Variants in NRXN1 observed in about 807,000 individuals in gnomAD.
The protein encoded by NRXN1 is neurexin-1.
NRXN1 carries 39 observed loss-of-function variants against 150.9 expected under a neutral mutation model. The ratio of observed to expected loss-of-function variants is 0.26; its 90% CI spans 0.20 to 0.34. The LOEUF is 0.34. Among genes scored for constraint, NRXN1 ranks in the 10% least tolerant of loss-of-function variants. The pLI is 1.00. For missense variants in NRXN1, 1,815 were observed against 1,949.9 expected (o/e 0.93, Z 1.30); for synonymous variants, 924 against 757.0 (o/e 1.22, Z -3.62).
chr2:49,985,995 T>C (rs1168738749), intron 21 of NRXN1, among the ~76,000 whole-genome samples: 2 of 152,216 alleles, frequency 1.3e-5, no homozygotes, highest in African/African-American at 4.8e-5. Flanking sequence ...AAGTCCATCC[T>C]TTCTGTGAAG....
At chr2:50,479,688 T>C (rs1271016027) in intron 15 of NRXN1, among the ~76,000 whole-genome samples, 1 of 151,702 alleles carries the variant, frequency 6.6e-6, no homozygotes, top group African/African-American at 2.4e-5. Flanking sequence ...CTCATATTTG[T>C]CCCTGGCTCT....
chr2:50,590,810 G>A lies in NRXN1; in HGVS notation c.1320+29212C>T, dbSNP rs764045835. Among the ~76,000 whole-genome samples the A allele has an allele frequency of 4.6e-5, 7 of 152,124 alleles. No homozygotes were observed. The South Asian group carries it at 1.5e-3, about 32-fold the overall frequency. Reference sequence around the variant, plus strand: ...CTTGGAGTTCCCAGACTCTAGAACTGTGAGAAACCAATATTTGTTGTTTGA... The same window carrying A: ...CTTGGAGTTCCCAGACTCTAGAACTATGAGAAACCAATATTTGTTGTTTGA... On this transcript the variant is annotated intron_variant, in intron 8 of 22. Transcript: ENST00000401669.
chr2:50,446,861 G>C lies in NRXN1; in HGVS notation c.3364+18581C>G, dbSNP rs374648100. ...TGATTTAAACCTGCCAACAAATTTA[G>C]ATGTTAAGTACTTATTCAATGGCCA... On this transcript the variant is annotated intron_variant, in intron 17 of 22. Transcript: ENST00000401669. Among the ~76,000 whole-genome samples, 15 of 152,110 alleles carry C rather than the reference G, an allele frequency of 9.9e-5. No homozygotes were observed. In the East Asian group the frequency reaches 1.4e-3, roughly 14 times the overall value.
chr2:50,623,097 C>T (rs893067172), intron 6 of NRXN1, among the ~76,000 whole-genome samples: 9 of 152,094 alleles, frequency 5.9e-5, no homozygotes, highest in African/African-American at 2.2e-4. Context: ...TGGAAATTTT[C>T]ATATGGCCCT....
At chr2:50,780,103 T>C (rs1414503632) in intron 5 of NRXN1, among the ~76,000 whole-genome samples, 3 of 152,236 alleles carry the variant, frequency 2.0e-5, no homozygotes, top group African/African-American at 4.8e-5. Flanking sequence ...TTGATTTGTA[T>C]TTCTCTAATG....
chr2:50,625,673 G>T (rs1322132071), intron 5 of NRXN1, among the ~76,000 whole-genome samples: 1 of 151,942 alleles, frequency 6.6e-6, no homozygotes. Flanking sequence ...GGAAAATGTG[G>T]GTCAAAATAT....
intron 22 of NRXN1, among the ~76,000 whole-genome samples, chr2:49,932,260 A>G (rs1484006760): frequency 6.6e-6 from 1 of 152,042 alleles, no homozygotes; most frequent in African/African-American, 2.4e-5. Flanking sequence ...CTCTACAGAA[A>G]ATGTAAAAAA....
intron 5 of NRXN1, among the ~76,000 whole-genome samples, chr2:50,781,924 A>C (rs549385842): frequency 1.3e-5 from 2 of 152,312 alleles, no homozygotes; most frequent in East Asian, 1.9e-4. Flanking sequence ...AACTAGTAAA[A>C]GGTGCTTTTG....
rs1693374986 is a variant in NRXN1 at position 50,054,971 on chromosome 2, T to C, written c.3792A>G (p.Glu1264=). 1.3e-6 allele frequency: 2 copies of C among 1,579,332 alleles called. No homozygotes were observed. The highest frequency in any genetic ancestry group is 8.6e-7 in the Non-Finnish European group (1 of 1,164,830). Residue 1264 remains glutamate (E), a synonymous_variant, in exon 20 of 23, where the codon GAA becomes GAG. Transcript: ENST00000401669. ...GTTTTTTACCTTTGTCGAGTAGCCATTCATCAACTACTCGACCAAGTCGAT... is the reference window on the plus strand; with the variant it reads ...GTTTTTTACCTTTGTCGAGTAGCCACTCATCAACTACTCGACCAAGTCGAT... The part of the protein sequence containing the change: ...IPYRLGRVVD[E]WLLDKGRQLT...
intron 13 of NRXN1, among the ~76,000 whole-genome samples, chr2:50,498,128 G>A (rs1211637753): frequency 6.6e-6 from 1 of 152,072 alleles, no homozygotes; most frequent in Admixed American, 6.6e-5. Context: ...ATACATCTCA[G>A]CCTCATGGAT....
chr2:51,027,618 G>T lies in NRXN1; in HGVS notation c.656C>A (p.Ala219Glu), dbSNP rs1360707101. Residue 219 changes from alanine to glutamate, a missense_variant, in exon 2 of 23, where the codon GCG becomes GAG. Physicochemically the swap from Ala to Glu is moderately radical, Grantham distance 107 (BLOSUM62 -1). Transcript: ENST00000401669. ...CACCCCGCCCTCGCCCTCCTCGCCC[G>T]CCTCGCACGGGCTTCCCCCGCCGCT... ...PNSGGGSPCE[A>E]GEEGEGGVCL... 6.3e-7 allele frequency: 1 copy of T among 1,585,974 alleles called. No homozygotes were observed. Among genetic ancestry groups the T allele is most frequent in the Non-Finnish European group, 8.6e-7 (1 of 1,166,184 alleles).
At chr2:50,573,143 G>C (rs1036438814) in intron 8 of NRXN1, among the ~76,000 whole-genome samples, 3 of 152,100 alleles carry the variant, frequency 2.0e-5, no homozygotes, top group Admixed American at 2.0e-4. Flanking sequence ...GTTGGGGCAG[G>C]AGGATTGCTT....
intron 18 of NRXN1, among the ~76,000 whole-genome samples, chr2:50,154,784 T>C (rs1282073052): frequency 2.6e-5 from 4 of 151,596 alleles, no homozygotes; most frequent in African/African-American, 7.3e-5. Context: ...AAGAAAGTCA[T>C]GGAAAATAAA....
rs562362222 is a variant in NRXN1 at position 50,799,592 on chromosome 2, A to T, written c.832+122277T>A. On this transcript the variant is annotated intron_variant, in intron 5 of 22. Transcript: ENST00000401669. ...AAACCGTACGTCGAGTACCCACATA[A>T]CCATTCTGTTTCTCACTTTCAGTAC... is the stretch of plus-strand genomic sequence containing the variant. Among the ~76,000 whole-genome samples the T allele has an allele frequency of 2.6e-5, 4 of 152,290 alleles. No individual in the cohort carries two copies. The East Asian group carries it at 7.7e-4, about 29-fold the overall frequency.
At chr2:50,157,759 G>C (rs992271141) in intron 18 of NRXN1, among the ~76,000 whole-genome samples, 2 of 151,978 alleles carry the variant, frequency 1.3e-5, no homozygotes, top group African/African-American at 4.8e-5. Context: ...TCTGTAGTGA[G>C]AAAAGTTTAA....
At chr2:50,022,506 A>C (rs1479847159) in intron 21 of NRXN1, among the ~76,000 whole-genome samples, 2 of 152,222 alleles carry the variant, frequency 1.3e-5, no homozygotes, top group Admixed American at 6.5e-5. Context: ...AAAAGATATA[A>C]ATAATTTACA....
intron 18 of NRXN1, among the ~76,000 whole-genome samples, chr2:50,177,150 T>C (rs2060404605): frequency 6.6e-6 from 1 of 152,142 alleles, no homozygotes. Context: ...GCTTGTTACA[T>C]GGATATTACT....
At chr2:50,452,936 G>T (rs970309948) in intron 17 of NRXN1, among the ~76,000 whole-genome samples, 9 of 152,160 alleles carry the variant, frequency 5.9e-5, no homozygotes, top group African/African-American at 2.2e-4. Flanking sequence ...TGAATAATGA[G>T]AACAGGAACT....
chr2:50,006,314 T>C lies in NRXN1; in HGVS notation c.4128+46957A>G, dbSNP rs574839323. On this transcript the variant is annotated intron_variant, in intron 21 of 22. Coordinates refer to ENST00000401669, the MANE Select transcript of NRXN1 (RefSeq NM_001330078.2). ...TATTGCTCAGCTTCTAGTCTCTCCC[T>C]TCTTAGGCCATTTTGTAGTCAGCTG... Among the ~76,000 whole-genome samples the C allele has an allele frequency of 3.1e-4, 47 of 152,238 alleles. 1 individual carries two copies. Among genetic ancestry groups the C allele is most frequent in the African/African-American group, 1.1e-3 (46 of 41,542 alleles).
Sources: allele counts gnomAD v4.1 joint callset (sites outside exome capture counted in the v4.1 genomes callset), GRCh38; gene constraint gnomAD v4.1.1; transcripts MANE v1.5; gene names NCBI Gene and HGNC (gene_info 2026-07-23, HGNC 2026-07-21).